Variants in QTGAL observed in about 807,000 individuals in gnomAD.
The protein encoded by QTGAL is queuosine-tRNA galactosyltransferase.
At chr17:82,990,083 A>G in the QTGAL span, among the ~76,000 whole-genome samples, 1 of 152,234 alleles carries the variant, frequency 6.6e-6, no homozygotes, top group Non-Finnish European at 1.5e-5. Context: ...TTTGACACAC[A>G]CCAGGATAAG....
chr17:83,036,917 G>A, the QTGAL span, among the ~76,000 whole-genome samples: 6,983 of 152,152 alleles, frequency 0.046, 289 homozygotes, highest in African/African-American at 0.11. Context: ...AAATTCATGC[G>A]TGGCAAGCTC....
chr17:82,947,245 A>C, the QTGAL span: 1 of 478,024 alleles, frequency 2.1e-6, no homozygotes, highest in South Asian at 3.6e-5. Context: ...AAGGTGGCTG[A>C]CTCTCCCTGG....
chr17:83,028,799 G>C, the QTGAL span, among the ~76,000 whole-genome samples: 1 of 152,062 alleles, frequency 6.6e-6, no homozygotes, highest in Non-Finnish European at 1.5e-5. Flanking sequence ...TCCACAGAAA[G>C]ACAGACAAGA....
the QTGAL span, among the ~76,000 whole-genome samples, chr17:82,999,787 G>C: frequency 6.6e-6 from 1 of 152,120 alleles, no homozygotes; most frequent in Non-Finnish European, 1.5e-5. Flanking sequence ...AAGGAATTCA[G>C]CTTTTTCTTG....
the QTGAL span, chr17:83,007,313 G>A: frequency 9.2e-6 from 9 of 981,028 alleles, no homozygotes; most frequent in South Asian, 4.7e-5. Context: ...CAATCTGACC[G>A]AGATGCATTT....
the QTGAL span, among the ~76,000 whole-genome samples, chr17:83,044,899 T>G: frequency 6.6e-6 from 1 of 151,400 alleles, no homozygotes; most frequent in African/African-American, 2.4e-5. Flanking sequence ...TGAGCTGAGA[T>G]CGTGCCACTG....
chr17:83,045,615 C>T, the QTGAL span, among the ~76,000 whole-genome samples: 1 of 151,978 alleles, frequency 6.6e-6, no homozygotes, highest in Non-Finnish European at 1.5e-5. Context: ...GCCTTTTGTG[C>T]ATCAAGGGAC....
the QTGAL span, among the ~76,000 whole-genome samples, chr17:83,044,602 T>A: frequency 3.2e-4 from 48 of 152,186 alleles, no homozygotes; most frequent in Non-Finnish European, 4.4e-5. Flanking sequence ...ATGCCCACTT[T>A]CACCACTTCT....
At chr17:82,955,825 G>A in the QTGAL span, among the ~76,000 whole-genome samples, 1 of 152,138 alleles carries the variant, frequency 6.6e-6, no homozygotes, top group South Asian at 2.1e-4. Context: ...GCCATGAAAA[G>A]GAATGAGTTC....
At chr17:83,046,404 C>T in the QTGAL span, among the ~76,000 whole-genome samples, 12 of 152,094 alleles carry the variant, frequency 7.9e-5, no homozygotes, top group African/African-American at 2.7e-4. Flanking sequence ...CCCGAAGTGC[C>T]GGGATTAGAG....
At chr17:82,977,598 G>A in the QTGAL span, among the ~76,000 whole-genome samples, 2 of 152,202 alleles carry the variant, frequency 1.3e-5, no homozygotes, top group Non-Finnish European at 2.9e-5. Context: ...GGTCTGGGGT[G>A]CAACTCGAAA....
chr17:82,956,729 G>C, the QTGAL span: 1 of 1,590,108 alleles, frequency 6.3e-7, no homozygotes, highest in Non-Finnish European at 8.6e-7. The surrounding 1 kb of genome is among the most constrained non-coding windows in gnomAD (Gnocchi z 5.7). Context: ...TGGCCGGGCG[G>C]CTCGGAAGTG....
chr17:82,946,837 TAAAG>T, the QTGAL span: 32 of 1,440,490 alleles, frequency 2.2e-5, no homozygotes, highest in African/African-American at 1.0e-4. Flanking sequence ...TGAAACATAA[TAAAG>T]AAACAAACCC....
At chr17:82,953,289 AAAG>A in the QTGAL span, among the ~76,000 whole-genome samples, 14 of 152,356 alleles carry the variant, frequency 9.2e-5, no homozygotes, top group East Asian at 7.7e-4. Flanking sequence ...CAGGCAAAGA[AAAG>A]AAGAATCAAG....
chr17:82,956,665 C>T, the QTGAL span: 2 of 1,527,926 alleles, frequency 1.3e-6, no homozygotes, highest in Non-Finnish European at 1.8e-6. The surrounding 1 kb of genome is among the most constrained non-coding windows in gnomAD (Gnocchi z 5.7). Context: ...GATCCCCAAG[C>T]CCTTCCACGG....
chr17:82,942,727 C>A, the QTGAL span: 25 of 583,512 alleles, frequency 4.3e-5, no homozygotes, highest in Non-Finnish European at 6.7e-5. Flanking sequence ...TGTCTCTGAG[C>A]CTGATGTGTG....
the QTGAL span, chr17:83,048,794 C>G: frequency 6.2e-7 from 1 of 1,604,478 alleles, no homozygotes; most frequent in Non-Finnish European, 8.5e-7. Flanking sequence ...GACTGGAATT[C>G]AAAAGAAATG....
the QTGAL span, chr17:83,034,965 T>G: frequency 7.7e-7 from 1 of 1,298,034 alleles, no homozygotes; most frequent in Non-Finnish European, 1.1e-6. Flanking sequence ...CGCACTAAAA[T>G]GTAAGATCAT....
the QTGAL span, among the ~76,000 whole-genome samples, chr17:83,047,334 A>T: frequency 6.6e-6 from 1 of 152,156 alleles, no homozygotes; most frequent in South Asian, 2.1e-4. Context: ...ACCTAATGTC[A>T]TCCTAATACT....
Sources: gnomAD v4.1 joint callset for allele counts (sites outside exome capture counted in the v4.1 genomes callset) on GRCh38, gnomAD v4.1.1 for gene constraint, Gnocchi (gnomAD v3.1) non-coding constraint, MANE v1.5 for transcripts, NCBI Gene and HGNC (gene_info 2026-07-23, HGNC 2026-07-21) for gene names.